The following MED12L variants were observed in gnomAD, a reference collection of about 807,000 sequenced individuals.
The protein encoded by MED12L is mediator of RNA polymerase II transcription subunit 12-like protein.
Under a neutral mutation model 281.3 loss-of-function variants are expected in MED12L, and 60 were observed. That is an observed-to-expected ratio of 0.21 (90% CI 0.17 to 0.26). The LOEUF is 0.26. Among genes scored for constraint, MED12L ranks in the 10% least tolerant of loss-of-function variants. MED12L has a pLI of 1.00. For missense variants in MED12L, 2,146 were observed against 2,680.9 expected (o/e 0.80, Z 4.41); for synonymous variants, 974 against 987.2 (o/e 0.99, Z 0.25).
At chr3:151,355,096 A>G in intron 17 of MED12L, 25 bp from the exon 18 acceptor site, 2 of 1,553,398 alleles carry the variant, frequency 1.3e-6, no homozygotes, top group East Asian at 2.2e-5. Flanking sequence ...ATGGAAAATA[A>G]TGGATCTGCT....
rs1261953077 is a variant in MED12L at position 151,434,642 on chromosome 3, T to C, written c.*1838T>C. The C allele has an allele frequency of 2.0e-5, 3 of 152,260 alleles. No homozygotes were observed. The highest frequency in any genetic ancestry group is 7.2e-5 in the African/African-American group (3 of 41,470). The allele number at this position is 152,260 out of a possible 1,614,324, so 9.4% of individuals were successfully genotyped here. On this transcript the variant is annotated 3_prime_UTR_variant, in exon 45 of 45. Coordinates refer to ENST00000687756, the MANE Select transcript of MED12L (RefSeq NM_001393769.1). ...TCTTCAAAGTAATATATCTATATAA[T>C]GACTGCATTGGCAAATCAACCGAAA...
intron 16 of MED12L, chr3:151,340,581 T>C (rs1021200937): frequency 6.6e-6 from 1 of 152,632 alleles, no homozygotes; most frequent in Non-Finnish European, 1.5e-5. Context: ...CAAGTACTTG[T>C]AGAAATAACA....
rs371976437 is a variant in MED12L at position 151,385,115 on chromosome 3, C to T, written c.5012C>T (p.Thr1671Ile). The T allele has an allele frequency of 5.0e-6, 8 of 1,612,034 alleles. No homozygotes were observed. The highest frequency in any genetic ancestry group is 6.8e-6 in the Non-Finnish European group (8 of 1,179,234). ...CCGAAACAGACATGTGATGTCATCA[C>T]TTGTGAACCTATGGGTTCCTTGATT... ...PLPKQTCDVI[T>I]CEPMGSLIDT... The change falls in exon 36 of 45, where the codon ACT (threonine) becomes ATT (isoleucine). Residue 1671 changes from threonine to isoleucine, a missense_variant. Around this residue, in one of 9 missense-constraint regions of MED12L, gnomAD observed 212 missense variants for 340.8 expected, o/e 0.62. Coordinates refer to ENST00000687756, the MANE Select transcript of MED12L (RefSeq NM_001393769.1).
chr3:151,129,476 TTC>T (rs1715042365), intron 5 of MED12L, among the ~76,000 whole-genome samples: 1 of 152,176 alleles, frequency 6.6e-6, no homozygotes, highest in African/African-American at 2.4e-5. Context: ...ATCTTTATAT[TTC>T]TCTGAGTTTA....
intron 5 of MED12L, among the ~76,000 whole-genome samples, chr3:151,144,853 A>G (rs988297041): frequency 1.3e-5 from 2 of 152,108 alleles, no homozygotes; most frequent in Non-Finnish European, 2.9e-5. Flanking sequence ...CGCCCCCGAC[A>G]TACCTGCATC....
intron 38 of MED12L, among the ~76,000 whole-genome samples, chr3:151,394,209 A>G (rs748215996): frequency 4.6e-5 from 7 of 152,226 alleles, no homozygotes; most frequent in Non-Finnish European, 7.3e-5. Context: ...TCATTTTGCC[A>G]TGGTGAAAAG....
chr3:151,240,331 C>G (rs1733828242), intron 16 of MED12L, among the ~76,000 whole-genome samples: 2 of 152,182 alleles, frequency 1.3e-5, no homozygotes, highest in South Asian at 4.1e-4. Flanking sequence ...GGACCTCTGA[C>G]TCTCAGATTA....
intron 5 of MED12L, among the ~76,000 whole-genome samples, chr3:151,149,889 G>A (rs1319342068): frequency 1.3e-5 from 2 of 152,168 alleles, no homozygotes; most frequent in Non-Finnish European, 2.9e-5. Flanking sequence ...TTTACTGGGA[G>A]GTTGCAGCAA....
chr3:151,369,081 G>A (rs1478077883), intron 25 of MED12L, among the ~76,000 whole-genome samples: 1 of 152,116 alleles, frequency 6.6e-6, no homozygotes, highest in African/African-American at 2.4e-5. Context: ...CTTGTACTAA[G>A]TAAAAGGAAT....
At chr3:151,279,508 C>T (rs1742462450) in intron 16 of MED12L, among the ~76,000 whole-genome samples, 1 of 152,152 alleles carries the variant, frequency 6.6e-6, no homozygotes, top group African/African-American at 2.4e-5. Flanking sequence ...TTGGCAAAGA[C>T]CTGTGAGACA....
chr3:151,214,776 A>G (rs1015366857), intron 16 of MED12L, among the ~76,000 whole-genome samples: 10 of 152,194 alleles, frequency 6.6e-5, no homozygotes, highest in African/African-American at 2.4e-4. Flanking sequence ...ATAAAACTCC[A>G]GAGTTCTAGG....
chr3:151,288,553 T>C (rs1425365101), intron 16 of MED12L, among the ~76,000 whole-genome samples: 1 of 152,228 alleles, frequency 6.6e-6, no homozygotes, highest in Non-Finnish European at 1.5e-5. Flanking sequence ...ATCCAAGCAT[T>C]TGACCACTTC....
intron 16 of MED12L, chr3:151,203,320 G>C (rs2149165962): frequency 6.6e-6 from 1 of 151,680 alleles, no homozygotes; most frequent in African/African-American, 2.4e-5. Context: ...TCCTAAAGAA[G>C]TTTTTTTAAT....
chr3:151,368,687 T>TCATG (rs1325236718), intron 25 of MED12L, among the ~76,000 whole-genome samples: 1 of 41,444 alleles, frequency 2.4e-5, no homozygotes, highest in Non-Finnish European at 4.4e-5. Flanking sequence ...GTCATTTCAT[T>TCATG]TTATTTCATT....
At chr3:151,249,959 G>C (rs1736513492) in intron 16 of MED12L, among the ~76,000 whole-genome samples, 1 of 152,106 alleles carries the variant, frequency 6.6e-6, no homozygotes, top group Non-Finnish European at 1.5e-5. Flanking sequence ...CTGTCCTAGA[G>C]AGGCATGCTC....
chr3:151,429,119 G>C (rs1271085502), intron 43 of MED12L, among the ~76,000 whole-genome samples: 1 of 152,224 alleles, frequency 6.6e-6, no homozygotes, highest in Non-Finnish European at 1.5e-5. Flanking sequence ...GACAAGAAGG[G>C]GAGAGAGGTA....
chr3:151,298,128 C>CT (rs1745350536), intron 16 of MED12L, among the ~76,000 whole-genome samples: 1 of 152,138 alleles, frequency 6.6e-6, no homozygotes, highest in South Asian at 2.1e-4. Context: ...ATATCACATT[C>CT]TTTTTTGCCA....
chr3:151,305,356 A>G (rs1358585714), intron 16 of MED12L, among the ~76,000 whole-genome samples: 2 of 151,868 alleles, frequency 1.3e-5, no homozygotes, highest in Non-Finnish European at 2.9e-5. Context: ...CTGCTTAGAG[A>G]CCTGTTTTTT....
chr3:151,331,457 G>A (rs1168476257), intron 16 of MED12L, among the ~76,000 whole-genome samples: 3 of 152,226 alleles, frequency 2.0e-5, no homozygotes, highest in Admixed American at 6.5e-5. Context: ...ATAAATAATA[G>A]TATTTGCTTT....
Sources: gnomAD v4.1 joint callset for allele counts (sites outside exome capture counted in the v4.1 genomes callset) on GRCh38, gnomAD v4.1.1 for gene constraint, gnomAD v4.1.1 regional missense constraint, MANE v1.5 for transcripts, NCBI Gene and HGNC (gene_info 2026-07-23, HGNC 2026-07-21) for gene names.